SCIMP: variants seen among roughly 807,000 people sequenced by gnomAD.
SCIMP encodes the protein SLP adaptor and CSK interacting membrane protein.
In SCIMP, 18 loss-of-function variants were observed where a neutral mutation model predicts 22.0. That is an observed-to-expected ratio of 0.82 (90% confidence interval 0.56 to 1.21). SCIMP has a LOEUF of 1.21. Ranked by LOEUF, SCIMP falls within the 50% of genes most tolerant of loss-of-function variation. SCIMP has a pLI of 0.00. For synonymous variants in SCIMP, 53 were observed against 62.2 expected (o/e 0.85, Z 0.70); for missense variants, 155 against 171.2 (o/e 0.91, Z 0.53).
chr17:5,223,042 A>C (rs1394480864), intron 2 of SCIMP, among the ~76,000 whole-genome samples: 2 of 152,170 alleles, frequency 1.3e-5, no homozygotes, highest in African/African-American at 4.8e-5. Flanking sequence ...AAGAAAAAGC[A>C]CTTGAGCATA....
intron 1 of SCIMP, 158 bp downstream of exon 1, chr17:5,234,577 C>A: frequency 1.4e-6 from 1 of 717,298 alleles, no homozygotes; most frequent in East Asian, 2.7e-5. Flanking sequence ...GCAAGTTTTT[C>A]TCCAACCCTA....
intron 1 of SCIMP, among the ~76,000 whole-genome samples, chr17:5,226,827 C>T (rs2074653009): frequency 6.6e-6 from 1 of 151,812 alleles, no homozygotes. Flanking sequence ...TTTAATAGAA[C>T]CAAGGAGAGC....
chr17:5,212,406 G>A (rs1349339516), intron 4 of SCIMP, among the ~76,000 whole-genome samples: 1 of 152,124 alleles, frequency 6.6e-6, no homozygotes, highest in Non-Finnish European at 1.5e-5. Flanking sequence ...AGGCTGAGGT[G>A]GGTGGATCAC....
chr17:5,213,038 T>C, intron 4 of SCIMP: 2 of 745,874 alleles, frequency 2.7e-6, no homozygotes, highest in Middle Eastern at 7.1e-4. Context: ...AGCTGACATC[T>C]GAAGGATGAG....
Position 5,223,550 on chromosome 17 carries a change from T to G in SCIMP, c.22-94A>C, listed in dbSNP as rs141468420. 57 of 1,290,382 alleles carry G rather than the reference T, an allele frequency of 4.4e-5. No individual in the cohort carries two copies. In the African/African-American group the frequency reaches 7.1e-4, roughly 16 times the overall value. The allele number at this position is 1,290,382 out of a possible 1,614,324, so 79.9% of individuals were successfully genotyped here. ...AGTTATCTACTGTGGGTTGTTTTTT[T>G]TTTCTTTTCTGAGTCGGAGTCTCAC... On this transcript the variant is annotated intron_variant, in intron 1 of 4. Coordinates refer to ENST00000574081, the MANE Select transcript of SCIMP (RefSeq NM_207103.3).
intron 1 of SCIMP, among the ~76,000 whole-genome samples, chr17:5,232,013 G>A (rs1355857916): frequency 1.2e-4 from 18 of 151,980 alleles, no homozygotes; most frequent in South Asian, 2.1e-4. Context: ...CCGAGATTGC[G>A]CCACTGCACT....
In SCIMP at chr17:5,233,353, C is replaced by T. The variant is rs115483419; in HGVS notation, c.21+1382G>A. Reference sequence around the variant, plus strand: ...AATACCAGTGTGACCCTGTCCCTTCCTTGCTTTAAGCCTCTCAGTAGTTTG... The same window carrying T: ...AATACCAGTGTGACCCTGTCCCTTCTTTGCTTTAAGCCTCTCAGTAGTTTG... On this transcript the variant is annotated intron_variant, in intron 1 of 4. Transcript: ENST00000574081. 8.3e-3 allele frequency among the ~76,000 whole-genome samples: 1,180 copies of T among 142,042 alleles called. 16 individuals are homozygous for T. Among genetic ancestry groups the T allele is most frequent in the African/African-American group, 0.028 (1,098 of 39,718 alleles). 93.2% of individuals were successfully genotyped at this position (142,042 alleles called of 152,430 possible). A position where few individuals can be genotyped will look rare whatever the true frequency, so the allele number is the denominator to read the frequency against.
chr17:5,218,346 C>CT (rs879659270), intron 3 of SCIMP, among the ~76,000 whole-genome samples: 138 of 139,408 alleles, frequency 9.9e-4, no homozygotes, highest in African/African-American at 1.7e-3. Flanking sequence ...TAGTTTTTTG[C>CT]TTTTTTTTTT....
rs1305688387 is a variant in SCIMP at position 5,223,228 on chromosome 17, C to G, written c.145+105G>C. 9 of 1,234,114 alleles carry G rather than the reference C, an allele frequency of 7.3e-6. No homozygotes were observed. In the East Asian group the frequency reaches 1.6e-4, roughly 23 times the overall value. 76.4% of individuals were successfully genotyped at this position (1,234,114 alleles called of 1,614,324 possible). A position where few individuals can be genotyped will look rare whatever the true frequency, so the allele number is the denominator to read the frequency against. On this transcript the variant is annotated intron_variant, in intron 2 of 4. Coordinates refer to ENST00000574081, the MANE Select transcript of SCIMP (RefSeq NM_207103.3). The stretch of plus-strand genomic sequence containing the variant: ...AATGCAAGATGCTTAATCCAAAATT[C>G]AGCTCATTCAGGCCCAGGATTGATT...
chr17:5,231,360 C>CA (rs1463715215), intron 1 of SCIMP, among the ~76,000 whole-genome samples: 3,607 of 116,204 alleles, frequency 0.031, 105 homozygotes, highest in Admixed American at 0.11. Context: ...AACTCCATCT[C>CA]AAAAAAAAAA....
At chr17:5,217,043 C>G (rs1260494447) in intron 3 of SCIMP, among the ~76,000 whole-genome samples, 1 of 152,132 alleles carries the variant, frequency 6.6e-6, no homozygotes, top group African/African-American at 2.4e-5. Context: ...AGGTTGAGTG[C>G]AGACGGGGAC....
At chr17:5,211,581 G>A (rs2074525971) in intron 4 of SCIMP, among the ~76,000 whole-genome samples, 1 of 151,800 alleles carries the variant, frequency 6.6e-6, no homozygotes, top group South Asian at 2.1e-4. Flanking sequence ...AGTCATATGA[G>A]TGCTGTTGTG....
intron 1 of SCIMP, among the ~76,000 whole-genome samples, chr17:5,223,845 C>T (rs1012179965): frequency 1.3e-5 from 2 of 152,130 alleles, no homozygotes; most frequent in African/African-American, 4.8e-5. Flanking sequence ...CCACCGTGCC[C>T]AGCTAATCTA....
chr17:5,231,109 C>T (rs2074690490), intron 1 of SCIMP, among the ~76,000 whole-genome samples: 1 of 152,230 alleles, frequency 6.6e-6, no homozygotes, highest in Non-Finnish European at 1.5e-5. Context: ...CCTGTAATCC[C>T]AGCACTTTGG....
chr17:5,224,714 C>T (rs949965040), intron 1 of SCIMP, among the ~76,000 whole-genome samples: 4 of 152,160 alleles, frequency 2.6e-5, no homozygotes, highest in Non-Finnish European at 4.4e-5. Flanking sequence ...CTCGGCCTCC[C>T]AAAGTGCTAG....
chr17:5,223,082 C>G (rs2074620350), intron 2 of SCIMP, among the ~76,000 whole-genome samples: 1 of 152,102 alleles, frequency 6.6e-6, no homozygotes, highest in Admixed American at 6.6e-5. Context: ...CTGCTTTCAC[C>G]CAGATGATTA....
intron 1 of SCIMP, among the ~76,000 whole-genome samples, chr17:5,229,905 G>A (rs35635696): frequency 7.9e-4 from 112 of 142,246 alleles, no homozygotes; most frequent in Non-Finnish European, 1.3e-3. Flanking sequence ...CTCCTCTCCG[G>A]TCCTCTCCTC....
chr17:5,214,777 T>C, intron 4 of SCIMP, 148 bp downstream of exon 4: 1 of 574,286 alleles, frequency 1.7e-6, no homozygotes, highest in Non-Finnish European at 3.1e-6. Flanking sequence ...GAGGCGGAGC[T>C]TGCAGTGAGC....
intron 1 of SCIMP, among the ~76,000 whole-genome samples, chr17:5,229,804 C>T (rs1485017266): frequency 2.0e-5 from 3 of 151,826 alleles, no homozygotes; most frequent in African/African-American, 7.3e-5. Context: ...GGCTGGCCAT[C>T]AAGGGAACAA....
Sources: allele counts gnomAD v4.1 joint callset (sites outside exome capture counted in the v4.1 genomes callset), GRCh38; gene constraint gnomAD v4.1.1; transcripts MANE v1.5; gene names NCBI Gene and HGNC (gene_info 2026-07-23, HGNC 2026-07-21).